Variants in EPHB1 observed in about 807,000 individuals in gnomAD.
The protein encoded by EPHB1 is ephrin type-B receptor 1.
Under a neutral mutation model 94.4 loss-of-function variants are expected in EPHB1, and 30 were observed. The ratio of observed to expected loss-of-function variants is 0.32; its 90% CI spans 0.24 to 0.43. The LOEUF (loss-of-function observed/expected upper bound fraction) is 0.43. Ranked by LOEUF, EPHB1 falls within the 20% of genes least tolerant of loss-of-function variation. EPHB1 has a pLI of 1.00. For synonymous variants in EPHB1, 522 were observed against 489.1 expected (o/e 1.07, Z -0.89); for missense variants, 1,055 against 1,308.3 (o/e 0.81, Z 2.99).
At chr3:135,240,832 T>C (rs1357310395) in intron 12 of EPHB1, among the ~76,000 whole-genome samples, 1 of 152,054 alleles carries the variant, frequency 6.6e-6, no homozygotes. Flanking sequence ...GTAGTTCCAG[T>C]GAGTTTTATG....
intron 1 of EPHB1, among the ~76,000 whole-genome samples, chr3:134,838,591 A>G (rs2036722099): frequency 6.6e-6 from 1 of 152,142 alleles, no homozygotes; most frequent in African/African-American, 2.4e-5. Context: ...CTCTCATGCT[A>G]TGCTCAAAAT....
chr3:134,962,424 C>T (rs774126607), intron 3 of EPHB1, among the ~76,000 whole-genome samples: 7 of 152,092 alleles, frequency 4.6e-5, no homozygotes, highest in South Asian at 2.1e-4. Flanking sequence ...CATTTTGACA[C>T]GTGCCTCCCA....
chr3:134,854,232 TC>T (rs2037058241), intron 1 of EPHB1, among the ~76,000 whole-genome samples: 1 of 152,296 alleles, frequency 6.6e-6, no homozygotes, highest in Admixed American at 6.5e-5. Flanking sequence ...TGAACAAATG[TC>T]TGCCGGAGTC....
chr3:134,908,034 T>C (rs922488727), intron 1 of EPHB1, among the ~76,000 whole-genome samples: 6 of 152,224 alleles, frequency 3.9e-5, no homozygotes, highest in African/African-American at 1.4e-4. Context: ...GGCTAGGGTC[T>C]CATTTCCATC....
chr3:135,182,491 T>C (rs1280227177), intron 10 of EPHB1, among the ~76,000 whole-genome samples: 4 of 152,150 alleles, frequency 2.6e-5, no homozygotes, highest in African/African-American at 9.7e-5. Flanking sequence ...ATAAACAGAC[T>C]CAGAGGTCTG....
intron 1 of EPHB1, among the ~76,000 whole-genome samples, chr3:134,821,017 A>T (rs758039195): frequency 1.3e-5 from 2 of 152,226 alleles, no homozygotes; most frequent in Non-Finnish European, 2.9e-5. Context: ...TCCAGTCCAC[A>T]TCAGAGGGCC....
chr3:135,137,410 C>A (rs182611784), intron 5 of EPHB1, among the ~76,000 whole-genome samples: 2 of 152,308 alleles, frequency 1.3e-5, no homozygotes, highest in African/African-American at 4.8e-5. Flanking sequence ...AAATCCAATT[C>A]TGGATTTAGC....
chr3:134,888,336 G>C (rs1277623110), intron 1 of EPHB1, among the ~76,000 whole-genome samples: 1 of 152,220 alleles, frequency 6.6e-6, no homozygotes, highest in Non-Finnish European at 1.5e-5. Context: ...GGGGATTCCT[G>C]TAGGGCAGCT....
chr3:135,110,181 C>CA (rs954131728), intron 4 of EPHB1, among the ~76,000 whole-genome samples: 3 of 152,202 alleles, frequency 2.0e-5, no homozygotes, highest in African/African-American at 7.2e-5. Context: ...TTGCTGACCA[C>CA]AAAAACCCCT....
At chr3:134,870,141 G>A (rs947485806) in intron 1 of EPHB1, among the ~76,000 whole-genome samples, 2 of 152,210 alleles carry the variant, frequency 1.3e-5, no homozygotes, top group Non-Finnish European at 2.9e-5. Context: ...GTTGTTGAGA[G>A]AGTGAGCTGG....
chr3:134,897,089 A>G (rs558258054), intron 1 of EPHB1, among the ~76,000 whole-genome samples: 153 of 152,336 alleles, frequency 1.0e-3, no homozygotes, highest in African/African-American at 3.5e-3. Context: ...ATTCTCTGCC[A>G]CAATCAGAGT....
chr3:135,076,111 A>C (rs943335489), intron 3 of EPHB1, among the ~76,000 whole-genome samples: 1 of 152,118 alleles, frequency 6.6e-6, no homozygotes, highest in Non-Finnish European at 1.5e-5. Flanking sequence ...TAAAATTTCT[A>C]GGAAAATGTT....
chr3:134,936,265 G>A (rs186030139), intron 2 of EPHB1, among the ~76,000 whole-genome samples: 2 of 152,306 alleles, frequency 1.3e-5, no homozygotes, highest in South Asian at 2.1e-4. Context: ...AAAGCAAGCT[G>A]TATGGGGGAG....
At chr3:134,811,154 C>T (rs2036166297) in intron 1 of EPHB1, among the ~76,000 whole-genome samples, 1 of 151,240 alleles carries the variant, frequency 6.6e-6, no homozygotes. Context: ...GCTGTGGTGT[C>T]CAGGTTCTCA....
At chr3:134,921,593 T>C (rs1387854021) in intron 1 of EPHB1, among the ~76,000 whole-genome samples, 1 of 152,202 alleles carries the variant, frequency 6.6e-6, no homozygotes, top group Non-Finnish European at 1.5e-5. Context: ...CCCTTGGTCT[T>C]TACAACAATG....
At chr3:135,125,267 C>T (rs1298697439) in intron 4 of EPHB1, among the ~76,000 whole-genome samples, 1 of 151,634 alleles carries the variant, frequency 6.6e-6, no homozygotes, top group Admixed American at 6.6e-5. Context: ...GCAACTCTTG[C>T]ACCACTGACC....
At chr3:134,931,870 G>A (rs2038910788) in intron 2 of EPHB1, among the ~76,000 whole-genome samples, 1 of 152,024 alleles carries the variant, frequency 6.6e-6, no homozygotes, top group African/African-American at 2.4e-5. Flanking sequence ...TGTGCTATGT[G>A]TCTGTATATA....
At chr3:135,001,428 A>G (rs1056761641) in intron 3 of EPHB1, among the ~76,000 whole-genome samples, 1 of 152,166 alleles carries the variant, frequency 6.6e-6, no homozygotes, top group African/African-American at 2.4e-5. Flanking sequence ...CTATAGCCTC[A>G]TGGCTGTCAA....
At chr3:134,869,928 TG>T (rs150901419) in intron 1 of EPHB1, among the ~76,000 whole-genome samples, 1 of 152,268 alleles carries the variant, frequency 6.6e-6, no homozygotes, top group East Asian at 1.9e-4. Flanking sequence ...CAGCAGACCT[TG>T]GGTAAGCATT....
Sources: gnomAD v4.1 joint callset for allele counts (sites outside exome capture counted in the v4.1 genomes callset) on GRCh38, gnomAD v4.1.1 for gene constraint, MANE v1.5 for transcripts, NCBI Gene and HGNC (gene_info 2026-07-23, HGNC 2026-07-21) for gene names.